Variants in SIAH1 observed in about 807,000 individuals in gnomAD.
SIAH1 encodes siah E3 ubiquitin protein ligase 1.
SIAH1 carries 2 observed loss-of-function variants against 20.0 expected under a neutral mutation model. The ratio of observed to expected loss-of-function variants is 0.10; its 90% CI spans 0.04 to 0.31. The LOEUF (loss-of-function observed/expected upper bound fraction) is 0.31, where lower values mean the gene tolerates loss of function less well. Ranked by LOEUF, SIAH1 falls within the 10% of genes least tolerant of loss-of-function variation. The pLI, the probability that SIAH1 is intolerant of heterozygous loss-of-function variation, is 1.00. For missense variants in SIAH1, 119 were observed against 355.3 expected, an observed-to-expected ratio of 0.33 and a Z score of 5.35; for synonymous variants, 118 against 125.3, an observed-to-expected ratio of 0.94 and a Z score of 0.39.
intron 1 of SIAH1, among the ~76,000 whole-genome samples, chr16:48,380,517 G>A (rs1177080091): frequency 6.6e-6 from 1 of 151,018 alleles, no homozygotes; most frequent in African/African-American, 2.4e-5. Flanking sequence ...AAAAAAAAGA[G>A]TCAAAAAGAC....
chr16:48,374,915 G>A (rs1961067996), intron 1 of SIAH1, among the ~76,000 whole-genome samples: 1 of 152,162 alleles, frequency 6.6e-6, no homozygotes. Flanking sequence ...TGTGATGGGG[G>A]CAAGAAGAGT....
intron 1 of SIAH1, among the ~76,000 whole-genome samples, chr16:48,372,999 T>C (rs1014741945): frequency 5.9e-5 from 9 of 152,234 alleles, no homozygotes; most frequent in Non-Finnish European, 1.0e-4. Context: ...CACATACTCT[T>C]GGTTTTCCTA....
intron 1 of SIAH1, among the ~76,000 whole-genome samples, chr16:48,364,355 T>C (rs1960744073): frequency 6.6e-6 from 1 of 152,178 alleles, no homozygotes. Context: ...ACCAAATAAA[T>C]GCAACTTAGG....
intron 1 of SIAH1, among the ~76,000 whole-genome samples, chr16:48,382,611 T>C (rs1359389076): frequency 6.6e-6 from 1 of 152,182 alleles, no homozygotes; most frequent in South Asian, 2.1e-4. Flanking sequence ...ATACTTATTG[T>C]AAAAAGGAAA....
intron 1 of SIAH1, among the ~76,000 whole-genome samples, chr16:48,382,307 A>G (rs1037053348): frequency 6.6e-6 from 1 of 152,080 alleles, no homozygotes; most frequent in Admixed American, 6.6e-5. Flanking sequence ...GGAACCTTTG[A>G]GCCCAGTTGG....
chr16:48,365,531 T>TC lies in SIAH1; in HGVS notation c.-2-3102dup, dbSNP rs1229786365. On this transcript the variant is annotated intron_variant, in intron 1 of 1. Coordinates refer to ENST00000394725, the MANE Select transcript of SIAH1 (RefSeq NM_003031.4). ...CCCAAGAAGTAAAGGAACAGGCCCCTCCTGGGCTCTTTCTGCTCCTAAGCA... is the reference window on the plus strand; with the variant it reads ...CCCAAGAAGTAAAGGAACAGGCCCCTCCCTGGGCTCTTTCTGCTCCTAAGCA... 13 of 1,584,006 alleles carry TC rather than the reference T, an allele frequency of 8.2e-6. No individual in the cohort carries two copies. In the Admixed American group the frequency reaches 1.1e-4, roughly 13 times the overall value.
In SIAH1 at chr16:48,361,495, GTTT is replaced by G. The variant is rs750010789; in HGVS notation, c.*82_*84del. On this transcript the variant is annotated 3_prime_UTR_variant, in exon 2 of 2. Transcript: ENST00000394725. ...TGTCTAGCTTCCACCTACCGAAAGAGTTTTAGGTTGGCAGACAGATGGGTGCCT... is the reference window on the plus strand; with the variant it reads ...TGTCTAGCTTCCACCTACCGAAAGAGTAGGTTGGCAGACAGATGGGTGCCT... 69 of 1,403,044 alleles carry G rather than the reference GTTT, an allele frequency of 4.9e-5. 1 individual carries two copies. In the Admixed American group the frequency reaches 1.2e-3, roughly 24 times the overall value. The allele number at this position is 1,403,044 out of a possible 1,614,324, so 86.9% of individuals were successfully genotyped here.
chr16:48,381,700 A>G (rs6500385), intron 1 of SIAH1, among the ~76,000 whole-genome samples: 29,086 of 152,176 alleles, frequency 0.19, 3,248 homozygotes, highest in African/African-American at 0.3. Context: ...ACATTCTGGA[A>G]AAGGCAAAAC....
chr16:48,367,415 CTT>C (rs1293965077), intron 1 of SIAH1, among the ~76,000 whole-genome samples: 1 of 152,192 alleles, frequency 6.6e-6, no homozygotes, highest in Non-Finnish European at 1.5e-5. Flanking sequence ...GGCCCCTCTA[CTT>C]AATTAAGTCA....
At chr16:48,387,137 T>A (rs1353246660), upstream of SIAH1, 1 of 152,234 alleles carries the variant, frequency 6.6e-6, no homozygotes. Flanking sequence ...AGTCTTGAAG[T>A]GCTGGATCGT....
chr16:48,380,437 T>A, intron 1 of SIAH1, among the ~76,000 whole-genome samples: 1 of 148,044 alleles, frequency 6.8e-6, no homozygotes. Flanking sequence ...TGGACAAGAG[T>A]AAGACTCTGT....
intron 1 of SIAH1, among the ~76,000 whole-genome samples, chr16:48,381,260 A>T (rs1245541256): frequency 6.6e-6 from 1 of 152,118 alleles, no homozygotes; most frequent in East Asian, 1.9e-4. Context: ...CACGAGAATC[A>T]CTTGAACCCA....
upstream of SIAH1, chr16:48,385,478 C>G (rs1296844722): frequency 6.6e-6 from 1 of 150,432 alleles, no homozygotes; most frequent in Non-Finnish European, 1.5e-5. Context: ...AGGCGCGGCC[C>G]CGCGCGCTGG....
chr16:48,386,204 G>A (rs1203617802), upstream of SIAH1, among the ~76,000 whole-genome samples: 5 of 152,218 alleles, frequency 3.3e-5, no homozygotes, highest in Non-Finnish European at 5.9e-5. Flanking sequence ...TTCCATGTAA[G>A]ATCTATTAAA....
At chr16:48,380,914 G>A (rs1324275347) in intron 1 of SIAH1, among the ~76,000 whole-genome samples, 1 of 7,302 alleles carries the variant, frequency 1.4e-4, no homozygotes, top group Non-Finnish European at 3.6e-4. Context: ...GGGCGACAGA[G>A]TGAGACTCCG....
At chr16:48,367,047 C>T (rs1960860328) in intron 1 of SIAH1, among the ~76,000 whole-genome samples, 1 of 152,118 alleles carries the variant, frequency 6.6e-6, no homozygotes, top group Admixed American at 6.5e-5. Flanking sequence ...GCTAAGACCA[C>T]AGGCTGGCAC....
At position 48,385,265 on chromosome 16, in the gene SIAH1, C is replaced by G; in HGVS notation, c.-64G>C. The G allele has an allele frequency of 3.2e-6, 1 of 316,848 alleles. No individual in the cohort carries two copies. Among genetic ancestry groups the G allele is most frequent in the Non-Finnish European group, 6.7e-6 (1 of 149,188 alleles). The allele number at this position is 316,848 out of a possible 1,614,324, so 19.6% of individuals were successfully genotyped here. A position where few individuals can be genotyped will look rare whatever the true frequency, so the allele number is the denominator to read the frequency against. The stretch of plus-strand genomic sequence containing the variant: ...GCACCAACGCGCTCCGTCGCCAACC[C>G]CCGCCACCGCGGGCAGCGCCACCGC... On this transcript the variant is annotated 5_prime_UTR_variant, in exon 1 of 2. Transcript: ENST00000394725.
Position 48,385,218 on chromosome 16 carries a change from C to A in SIAH1, c.-17G>T, listed in dbSNP as rs1260657495. 3.1e-6 allele frequency: 1 copy of A among 325,608 alleles called. No individual in the cohort carries two copies. The highest frequency in any genetic ancestry group is 6.5e-6 in the Non-Finnish European group (1 of 154,264). 20.2% of individuals were successfully genotyped at this position (325,608 alleles called of 1,614,324 possible). ...GCCCCACTTACCTGTGGGCGGAGAGCGCGCCTCGGACCCCGGTCCTGGCAC... is the reference window on the plus strand; with the variant it reads ...GCCCCACTTACCTGTGGGCGGAGAGAGCGCCTCGGACCCCGGTCCTGGCAC... On this transcript the variant is annotated 5_prime_UTR_variant, in exon 1 of 2. Coordinates refer to ENST00000394725, the MANE Select transcript of SIAH1 (RefSeq NM_003031.4).
intron 1 of SIAH1, among the ~76,000 whole-genome samples, chr16:48,380,944 A>AAAAAAAAAAAAAAAAAAAC (rs1567377283): frequency 2.0e-5 from 3 of 150,038 alleles, no homozygotes; most frequent in Non-Finnish European, 3.0e-5. Context: ...AAAAAAAAAA[A>AAAAAAAAAAAAAAAAAAAC]AGAACGGCTA....
Sources: allele counts gnomAD v4.1 joint callset (sites outside exome capture counted in the v4.1 genomes callset), GRCh38; gene constraint gnomAD v4.1.1; transcripts MANE v1.5; gene names NCBI Gene and HGNC (gene_info 2026-07-23, HGNC 2026-07-21).